The following DLGAP2 variants were observed in gnomAD, a reference collection of about 807,000 sequenced individuals.
DLGAP2 encodes disks large-associated protein 2.
In DLGAP2, 26 loss-of-function variants were observed where a neutral mutation model predicts 100.3. The observed-to-expected ratio is 0.26, with a 90% confidence interval of 0.19 to 0.36. The LOEUF is 0.36. Ranked by LOEUF, DLGAP2 falls within the 10% of genes least tolerant of loss-of-function variation. The probability of loss-of-function intolerance (pLI) is 1.00; values close to 1 mark genes in which losing one functional copy is unlikely to be tolerated. For missense variants in DLGAP2, 1,858 were observed against 1,453.2 expected, an observed-to-expected ratio of 1.28 and a Z score of -4.53; for synonymous variants, 886 against 630.1, an observed-to-expected ratio of 1.41 and a Z score of -6.08.
chr8:1,023,726 G>C (rs1486677758), intron 2 of DLGAP2, among the ~76,000 whole-genome samples: 1 of 152,062 alleles, frequency 6.6e-6, no homozygotes, highest in East Asian at 1.9e-4. Flanking sequence ...GCTTTCCTTA[G>C]AGTGCACCTG....
At chr8:1,680,943 A>G (rs1798928682) in intron 12 of DLGAP2, 1 of 152,272 alleles carries the variant, frequency 6.6e-6, no homozygotes, top group East Asian at 1.9e-4. Context: ...CCTTCCTTCC[A>G]GGATGAGAGC....
intron 3 of DLGAP2, among the ~76,000 whole-genome samples, chr8:1,438,594 A>G (rs1298462087): frequency 6.6e-6 from 1 of 152,212 alleles, no homozygotes; most frequent in Non-Finnish European, 1.5e-5. Context: ...TAGTGAAACT[A>G]GCAGTGAGGA....
intron 2 of DLGAP2, among the ~76,000 whole-genome samples, chr8:949,355 A>G (rs1280454423): frequency 1.3e-5 from 2 of 152,144 alleles, no homozygotes; most frequent in African/African-American, 2.4e-5. Flanking sequence ...ACCACGCTGG[A>G]TAGTCCCAGC....
At chr8:781,290 C>T (rs1470021492) in intron 1 of DLGAP2, among the ~76,000 whole-genome samples, 1 of 152,102 alleles carries the variant, frequency 6.6e-6, no homozygotes, top group African/African-American at 2.4e-5. Flanking sequence ...TATGTTTTCT[C>T]TATTATTTAA....
At chr8:1,362,796 T>C (rs1469621505) in intron 3 of DLGAP2, among the ~76,000 whole-genome samples, 1 of 152,250 alleles carries the variant, frequency 6.6e-6, no homozygotes, top group Non-Finnish European at 1.5e-5. Context: ...CATTTGGGAT[T>C]AGGAGGCGCG....
chr8:1,160,891 G>C (rs1419463648), intron 2 of DLGAP2, among the ~76,000 whole-genome samples: 2 of 152,214 alleles, frequency 1.3e-5, no homozygotes, highest in African/African-American at 2.4e-5. Context: ...AATCAGGTAA[G>C]TAACTAAAGA....
At chr8:869,996 G>A (rs1282979428) in intron 1 of DLGAP2, among the ~76,000 whole-genome samples, 5 of 150,536 alleles carry the variant, frequency 3.3e-5, no homozygotes, top group African/African-American at 7.4e-5. Flanking sequence ...GAAAGATACC[G>A]TGCCTAATTT....
At chr8:1,546,402 T>G (rs1260159408) in intron 4 of DLGAP2, among the ~76,000 whole-genome samples, 1 of 152,178 alleles carries the variant, frequency 6.6e-6, no homozygotes, top group East Asian at 1.9e-4. Context: ...CATTCACACC[T>G]GGGTGTGAGA....
chr8:1,295,521 C>G (rs1183034399), intron 3 of DLGAP2, among the ~76,000 whole-genome samples: 1 of 152,190 alleles, frequency 6.6e-6, no homozygotes, highest in African/African-American at 2.4e-5. Flanking sequence ...TGGAGCACCC[C>G]AGCCATCCTG....
At chr8:1,326,243 G>A (rs528938569) in intron 3 of DLGAP2, among the ~76,000 whole-genome samples, 8 of 152,186 alleles carry the variant, frequency 5.3e-5, no homozygotes, top group Non-Finnish European at 1.2e-4. Context: ...AAATAAAAGG[G>A]CATTTAACTT....
intron 4 of DLGAP2, among the ~76,000 whole-genome samples, chr8:1,531,911 G>C (rs1801001153): frequency 6.6e-6 from 1 of 152,164 alleles, no homozygotes; most frequent in Non-Finnish European, 1.5e-5. Flanking sequence ...AGCCTCAAGA[G>C]GTCCTGAGGA....
intron 2 of DLGAP2, among the ~76,000 whole-genome samples, chr8:1,251,523 A>G (rs562748465): frequency 6.6e-6 from 1 of 152,226 alleles, no homozygotes; most frequent in East Asian, 1.9e-4. Context: ...TGCAGCCTCA[A>G]ATTCCCAGGC....
chr8:1,174,722 T>C (rs1008075504), intron 2 of DLGAP2, among the ~76,000 whole-genome samples: 3 of 152,018 alleles, frequency 2.0e-5, no homozygotes, highest in African/African-American at 7.3e-5. Flanking sequence ...ATCACCACCA[T>C]CATTACCATG....
At chr8:1,117,601 C>G (rs1267303980) in intron 2 of DLGAP2, among the ~76,000 whole-genome samples, 1 of 152,182 alleles carries the variant, frequency 6.6e-6, no homozygotes, top group African/African-American at 2.4e-5. Context: ...GAAATCAGGA[C>G]TGAGGGTGGG....
chr8:1,699,304 T>C (rs1799503038), intron 14 of DLGAP2, among the ~76,000 whole-genome samples: 1 of 152,038 alleles, frequency 6.6e-6, no homozygotes, highest in Non-Finnish European at 1.5e-5. Context: ...ACCCCATCTC[T>C]ACTAAAAATA....
chr8:1,344,326 G>A (rs1340215824), intron 3 of DLGAP2, among the ~76,000 whole-genome samples: 1 of 152,172 alleles, frequency 6.6e-6, no homozygotes, highest in Non-Finnish European at 1.5e-5. Flanking sequence ...CCTTCAGGGT[G>A]CCACCTGCAT....
intron 4 of DLGAP2, among the ~76,000 whole-genome samples, chr8:1,543,043 T>G (rs1161318942): frequency 6.6e-6 from 1 of 152,206 alleles, no homozygotes; most frequent in Non-Finnish European, 1.5e-5. Flanking sequence ...ATGCCCATTA[T>G]TATTTGGATT....
rs1420223047 is a variant in DLGAP2, at chr8:1,678,233, T to A, written c.2308T>A (p.Ser770Thr). ...TTGCAGACACGGACGTTTTAAACGTTCTAACAGCGTCACGGCCGCCGTCCA... is the reference window on the plus strand; with the variant it reads ...TTGCAGACACGGACGTTTTAAACGTACTAACAGCGTCACGGCCGCCGTCCA... The part of the protein sequence containing the change: ...DEKRHGRFKR[S>T]NSVTAAVQAD... The change falls in exon 12 of 15, where the codon TCT (serine) becomes ACT (threonine). Residue 770 changes from serine to threonine, a missense_variant. By Grantham distance (58) the Ser-to-Thr change is moderately conservative. Coordinates refer to ENST00000637795, the MANE Select transcript of DLGAP2 (RefSeq NM_001346810.2). The A allele has an allele frequency of 1.2e-6, 2 of 1,613,156 alleles. No homozygotes were observed. Among genetic ancestry groups the A allele is most frequent in the Non-Finnish European group, 8.5e-7 (1 of 1,179,466 alleles).
At chr8:1,415,029 A>G (rs1796840155) in intron 3 of DLGAP2, among the ~76,000 whole-genome samples, 1 of 152,180 alleles carries the variant, frequency 6.6e-6, no homozygotes, top group Non-Finnish European at 1.5e-5. Flanking sequence ...AAAAGAAGAA[A>G]AAAAATCAAG....
Sources: allele counts gnomAD v4.1 joint callset (sites outside exome capture counted in the v4.1 genomes callset), GRCh38; gene constraint gnomAD v4.1.1; transcripts MANE v1.5; gene names NCBI Gene and HGNC (gene_info 2026-07-23, HGNC 2026-07-21).